Variants in FBXL2 observed in about 807,000 individuals in gnomAD.
FBXL2 encodes the protein F-box/LRR-repeat protein 2.
Under a neutral mutation model 69.2 loss-of-function variants are expected in FBXL2, and 38 were observed. The observed-to-expected ratio is 0.55, with a 90% CI of 0.42 to 0.72. FBXL2 has a LOEUF of 0.72. Among genes scored for constraint, FBXL2 ranks in the 30% least tolerant of loss-of-function variants. The pLI is 0.00. For missense variants in FBXL2, 354 were observed against 520.3 expected (o/e 0.68, Z 3.11); for synonymous variants, 192 against 201.3 (o/e 0.95, Z 0.39).
chr3:33,281,659 G>A (rs760657544), intron 1 of FBXL2, among the ~76,000 whole-genome samples: 4 of 152,148 alleles, frequency 2.6e-5, no homozygotes, highest in East Asian at 1.9e-4. Context: ...ACAGTCACAC[G>A]AACAGTGTAA....
chr3:33,416,941 T>G, the FBXL2 span: 4 of 941,964 alleles, frequency 4.2e-6, no homozygotes, highest in African/African-American at 6.7e-5. Context: ...ACAATGATAG[T>G]TTGTTAATTT....
chr3:33,322,536 A>G (rs1399380397), intron 2 of FBXL2, among the ~76,000 whole-genome samples: 3 of 152,182 alleles, frequency 2.0e-5, no homozygotes, highest in Non-Finnish European at 4.4e-5. Context: ...TCTAATGCTG[A>G]GTGAAAAAAA....
intron 4 of FBXL2, 144 bp downstream of exon 4, chr3:33,359,501 G>C (rs2041459426): frequency 7.9e-6 from 4 of 505,822 alleles, no homozygotes; most frequent in Non-Finnish European, 1.4e-5. Flanking sequence ...GAAGGGATTT[G>C]CATACATCAA....
At chr3:33,388,406 C>T (rs1264619222), downstream of FBXL2, 2 of 152,430 alleles carry the variant, frequency 1.3e-5, no homozygotes, top group Non-Finnish European at 2.9e-5. Flanking sequence ...AACAAAGTAA[C>T]AAATTTGCTG....
chr3:33,356,813 G>A (rs2041236816), intron 2 of FBXL2, among the ~76,000 whole-genome samples: 1 of 152,166 alleles, frequency 6.6e-6, no homozygotes, highest in East Asian at 1.9e-4. Flanking sequence ...GTATTGTTAG[G>A]TTACTTTATA....
chr3:33,330,898 AAC>A (rs749700726), intron 2 of FBXL2, among the ~76,000 whole-genome samples: 10 of 148,468 alleles, frequency 6.7e-5, no homozygotes, highest in Non-Finnish European at 1.0e-4. Flanking sequence ...CACACACACA[AAC>A]ACACACACAC....
At chr3:33,378,825 T>C (rs771950345) in intron 13 of FBXL2, 84 bp downstream of exon 13, 2 of 1,611,364 alleles carry the variant, frequency 1.2e-6, no homozygotes, top group South Asian at 1.1e-5. Flanking sequence ...TTGGGTTCTC[T>C]TTCTGTAAGG....
chr3:33,338,606 A>G (rs2039768213), intron 2 of FBXL2, among the ~76,000 whole-genome samples: 1 of 152,178 alleles, frequency 6.6e-6, no homozygotes, highest in Admixed American at 6.5e-5. Flanking sequence ...AGGTTAGAGA[A>G]CCCATAAATA....
intron 2 of FBXL2, among the ~76,000 whole-genome samples, chr3:33,326,327 C>T (rs918502942): frequency 7.9e-5 from 12 of 151,778 alleles, no homozygotes; most frequent in East Asian, 1.9e-4. Flanking sequence ...GGTGAAACCC[C>T]GTCTCAACTA....
At chr3:33,311,105 A>T (rs555406034) in intron 2 of FBXL2, among the ~76,000 whole-genome samples, 1 of 152,128 alleles carries the variant, frequency 6.6e-6, no homozygotes, top group Non-Finnish European at 1.5e-5. Flanking sequence ...ATGTCATCCT[A>T]TTCTCTTGTA....
chr3:33,378,025 TCA>T, intron 11 of FBXL2, 76 bp from the exon 12 acceptor site: 1 of 1,384,096 alleles, frequency 7.2e-7, no homozygotes, highest in South Asian at 1.2e-5. Flanking sequence ...GGGCCAATAC[TCA>T]GAGGGATAGG....
intron 2 of FBXL2, among the ~76,000 whole-genome samples, chr3:33,303,659 A>G (rs2036478807): frequency 6.6e-6 from 1 of 152,150 alleles, no homozygotes; most frequent in South Asian, 2.1e-4. Flanking sequence ...GACTGTATGA[A>G]TCGTGAAGTA....
At chr3:33,293,729 G>T (rs143529701) in intron 1 of FBXL2, among the ~76,000 whole-genome samples, 4 of 152,068 alleles carry the variant, frequency 2.6e-5, no homozygotes, top group Non-Finnish European at 4.4e-5. Flanking sequence ...TGTTCTGACT[G>T]TTGAGATATG....
intron 1 of FBXL2, among the ~76,000 whole-genome samples, chr3:33,296,131 T>A (rs557053824): frequency 2.6e-5 from 4 of 152,262 alleles, no homozygotes; most frequent in Non-Finnish European, 4.4e-5. Flanking sequence ...AGTGGCGTGA[T>A]CTTGGCTCAC....
chr3:33,417,469 T>C, the FBXL2 span, among the ~76,000 whole-genome samples: 324 of 152,336 alleles, frequency 2.1e-3, 1 homozygote, highest in South Asian at 7.2e-3. Flanking sequence ...TCAGTCCTTT[T>C]TATTGCCAAA....
At chr3:33,385,330 G>C (rs998190033) in intron 14 of FBXL2, among the ~76,000 whole-genome samples, 171 bp from the exon 15 acceptor site, 1 of 152,152 alleles carries the variant, frequency 6.6e-6, no homozygotes, top group Non-Finnish European at 1.5e-5. Context: ...AGGTACTAAT[G>C]GGGGGCAGAC....
At chr3:33,340,404 A>G (rs2039922578) in intron 2 of FBXL2, among the ~76,000 whole-genome samples, 1 of 152,178 alleles carries the variant, frequency 6.6e-6, no homozygotes, top group East Asian at 1.9e-4. Context: ...TTCCACAAAA[A>G]GAAACCAGGG....
chr3:33,302,893 A>C (rs1050148595), intron 2 of FBXL2, among the ~76,000 whole-genome samples: 2 of 152,186 alleles, frequency 1.3e-5, no homozygotes, highest in African/African-American at 4.8e-5. Context: ...ATCATTTTCA[A>C]ATTTTCCTTT....
downstream of FBXL2, among the ~76,000 whole-genome samples, chr3:33,405,921 T>C (rs1419260101): frequency 2.6e-5 from 4 of 152,090 alleles, no homozygotes; most frequent in Admixed American, 2.0e-4. Context: ...AATGGATACA[T>C]GGAAAATAAT....
Sources: allele counts gnomAD v4.1 joint callset (sites outside exome capture counted in the v4.1 genomes callset), GRCh38; gene constraint gnomAD v4.1.1; transcripts MANE v1.5; gene names NCBI Gene and HGNC (gene_info 2026-07-23, HGNC 2026-07-21).